Variants in SLC25A1 observed in about 807,000 individuals in gnomAD.
SLC25A1 encodes tricarboxylate transport protein, mitochondrial.
In SLC25A1, 26 loss-of-function variants were observed where a neutral mutation model predicts 38.1. The observed-to-expected ratio is 0.68, with a 90% CI of 0.50 to 0.95. The LOEUF is 0.95. Ranked by LOEUF, SLC25A1 falls within the 40% of genes least tolerant of loss-of-function variation. SLC25A1 has a pLI of 0.00. For missense variants in SLC25A1, 378 were observed against 426.6 expected (o/e 0.89, Z 1.00); for synonymous variants, 211 against 183.2 (o/e 1.15, Z -1.23).
chr22:19,176,922 T>C lies in SLC25A1; in HGVS notation c.555A>G (p.Thr185=). ...TCGAGCCCTGCTTCAGGACAGTGGC[T>C]GTGAGGCCCTGGTACGTCCCCTTCA... is the stretch of plus-strand genomic sequence containing the variant. ...QGLKGTYQGL[T]ATVLKQGSNQ... Residue 185 remains threonine, a synonymous_variant, in exon 6 of 9, where the codon ACA becomes ACG. Transcript: ENST00000215882. The C allele has an allele frequency of 6.2e-7, 1 of 1,613,626 alleles. No homozygotes were observed. Among genetic ancestry groups the C allele is most frequent in the Non-Finnish European group, 8.5e-7 (1 of 1,179,978 alleles).
In SLC25A1 at chr22:19,177,536, G is replaced by A. The variant is rs115993905; in HGVS notation, c.441+191C>T. 6.4e-3 allele frequency among the ~76,000 whole-genome samples: 971 copies of A among 152,362 alleles called. 15 individuals carry two copies. Among genetic ancestry groups the A allele is most frequent in the African/African-American group, 0.022 (914 of 41,590 alleles). On this transcript the variant is annotated intron_variant, in intron 4 of 8. Transcript: ENST00000215882. ...AGACTTTAAGGCTGCCTTTAGCATA[G>A]ACTCAGCCTCCACGGGTGGCCCTTC...
intron 4 of SLC25A1, 65 bp downstream of exon 4, chr22:19,177,662 G>T: frequency 6.3e-7 from 1 of 1,591,176 alleles, no homozygotes. Context: ...GGAGCACCGG[G>T]CCAGCGGGGC....
chr22:19,176,827 C>T lies in SLC25A1; in HGVS notation c.631+19G>A, dbSNP rs1482943728. ...GAGCTGGCCATGTGCAGAGATGGGG[C>T]CCTGTGATGCAGACACACCTCGGTA... is the stretch of plus-strand genomic sequence containing the variant. On this transcript the variant is annotated intron_variant, in intron 6 of 8. Coordinates refer to ENST00000215882, the MANE Select transcript of SLC25A1 (RefSeq NM_005984.5). 10 of 1,612,184 alleles carry T rather than the reference C, an allele frequency of 6.2e-6. No homozygotes were observed. The highest frequency in any genetic ancestry group is 8.5e-6 in the Non-Finnish European group (10 of 1,178,692).
At chr22:19,176,370 G>C in intron 8 of SLC25A1, 51 bp downstream of exon 8, 1 of 1,594,922 alleles carries the variant, frequency 6.3e-7, no homozygotes, top group Non-Finnish European at 8.6e-7. Flanking sequence ...GGCCAGGTAG[G>C]CCGGGAAAGG....
Position 19,178,265 on chromosome 22 carries a change from T to C in SLC25A1, c.95-25A>G. The C allele has an allele frequency of 6.5e-7, 1 of 1,542,682 alleles. No homozygotes were observed. The highest frequency in any genetic ancestry group is 8.7e-7 in the Non-Finnish European group (1 of 1,143,722). ...CCTGCAGGGACCGGGAACCCGCTCC[T>C]GAGACTCCCGCCCGGCCGCTGGCGC... On this transcript the variant is annotated intron_variant, in intron 1 of 8. Transcript: ENST00000215882. This position sits in a 1 kb window ranked among gnomAD's most constrained non-coding sequence, Gnocchi z 4.9.
In SLC25A1 at chr22:19,178,004, G is replaced by A; in HGVS notation, c.240C>T (p.Val80=). 7 of 1,602,888 alleles carry A rather than the reference G, an allele frequency of 4.4e-6. No individual in the cohort carries two copies. The highest frequency in any genetic ancestry group is 5.9e-6 in the Non-Finnish European group (7 of 1,176,676). The part of the protein sequence containing the change: ...CVRQTVRSHG[V]LGLYRGLSSL... The stretch of plus-strand genomic sequence containing the variant: ...AGCTAAGGCCGCGGTACAGGCCCAG[G>A]ACGCCATGGCTGCGAACCGTCTGCC... The change falls in exon 3 of 9, where the codon GTC becomes GTT. Residue 80 remains valine, a synonymous_variant. Coordinates refer to ENST00000215882, the MANE Select transcript of SLC25A1 (RefSeq NM_005984.5). This position sits in a 1 kb window ranked among gnomAD's most constrained non-coding sequence, Gnocchi z 4.9.
chr22:19,177,646 GC>G lies in SLC25A1; in HGVS notation c.441+80del. On this transcript the variant is annotated intron_variant, in intron 4 of 8. Coordinates refer to ENST00000215882, the MANE Select transcript of SLC25A1 (RefSeq NM_005984.5). ...GGAGACCCTCCCCAGCTTGCCGGTT[GC>G]CCCGGGAGCACCGGGCCAGCGGGGC... 1.8e-5 allele frequency: 29 copies of G among 1,573,198 alleles called. No individual in the cohort carries two copies. In the South Asian group the frequency reaches 3.0e-4, roughly 16 times the overall value.
Position 19,178,538 on chromosome 22 carries a change from G to A in SLC25A1, c.94+42C>T, listed in dbSNP as rs370589409. The A allele has an allele frequency of 6.5e-5, 83 of 1,269,372 alleles. 1 individual carries two copies. The East Asian group carries it at 1.6e-3, about 25-fold the overall frequency. The allele number at this position is 1,269,372 out of a possible 1,614,324, so 78.6% of individuals were successfully genotyped here. A position where few individuals can be genotyped will look rare whatever the true frequency, so the allele number is the denominator to read the frequency against. On this transcript the variant is annotated intron_variant, in intron 1 of 8. Coordinates refer to ENST00000215882, the MANE Select transcript of SLC25A1 (RefSeq NM_005984.5). This position sits in a 1 kb window ranked among gnomAD's most constrained non-coding sequence, Gnocchi z 4.9. ...GGCCTCAGCGTCCCGGGCCCACCCA[G>A]AAGCGCGGCGGGAGAGGGGTCCGCG...
rs372847888 is a variant in SLC25A1, at chr22:19,176,094, G to C, written c.*36C>G. ...GACAAAGGTAGCAGGACACTCTGGCGGTGCCTGGGGCGGTCCCCTTGCGGC... is the reference window on the plus strand; with the variant it reads ...GACAAAGGTAGCAGGACACTCTGGCCGTGCCTGGGGCGGTCCCCTTGCGGC... On this transcript the variant is annotated 3_prime_UTR_variant, in exon 9 of 9. Transcript: ENST00000215882. 1.3e-6 allele frequency: 2 copies of C among 1,540,028 alleles called. No homozygotes were observed. Among genetic ancestry groups the C allele is most frequent in the South Asian group, 2.2e-5 (2 of 89,542 alleles).
Position 19,178,498 on chromosome 22 carries a change from C to G in SLC25A1, c.94+82G>C. ...ACGACTCCCCAGCCCACGGCCCAAC[C>G]CGGAAGTGGGGCGGGGCCTCAGCGT... On this transcript the variant is annotated intron_variant, in intron 1 of 8. Transcript: ENST00000215882. This position sits in a 1 kb window ranked among gnomAD's most constrained non-coding sequence, Gnocchi z 4.9. 2.3e-6 allele frequency: 3 copies of G among 1,323,734 alleles called. No individual in the cohort carries two copies. The highest frequency in any genetic ancestry group is 2.9e-6 in the Non-Finnish European group (3 of 1,041,308). 82.0% of individuals were successfully genotyped at this position (1,323,734 alleles called of 1,614,324 possible). A position where few individuals can be genotyped will look rare whatever the true frequency, so the allele number is the denominator to read the frequency against.
At position 19,176,484 on chromosome 22, in the gene SLC25A1, G is replaced by A. The variant is rs542670248; in HGVS notation, c.758C>T (p.Ala253Val). The A allele has an allele frequency of 1.8e-5, 29 of 1,613,816 alleles. No homozygotes were observed. The highest frequency in any genetic ancestry group is 2.2e-5 in the East Asian group (1 of 44,872). Residue 253 changes from alanine (A) to valine (V), a missense_variant, in exon 8 of 9, where the codon GCG becomes GTG. Transcript: ENST00000215882. ...GTCCCACGTGTTCCGGTATTTGTGC[G>A]CCTCCAGGCCCTATGGGGGACATCA... ...VIKTRMQGLE[A>V]HKYRNTWDCG...
Position 19,177,284 on chromosome 22 carries a change from C to G in SLC25A1, c.442-80G>C. On this transcript the variant is annotated intron_variant, in intron 4 of 8. Coordinates refer to ENST00000215882, the MANE Select transcript of SLC25A1 (RefSeq NM_005984.5). Reference sequence around the variant, plus strand: ...GCTAGCTGGCAGGCCCAGGGCCCATCCAGGGTGGAGGGAACTGGGAACTCT... The same window carrying G: ...GCTAGCTGGCAGGCCCAGGGCCCATGCAGGGTGGAGGGAACTGGGAACTCT... The G allele has an allele frequency of 3.3e-6, 4 of 1,209,374 alleles. No individual in the cohort carries two copies. In the South Asian group the frequency reaches 3.8e-5, roughly 11 times the overall value. The allele number at this position is 1,209,374 out of a possible 1,614,324, so 74.9% of individuals were successfully genotyped here.
rs1569130702 is a variant in SLC25A1 at position 19,177,880 on chromosome 22, C to A, written c.303-15G>T. 5 of 1,594,710 alleles carry A rather than the reference C, an allele frequency of 3.1e-6. No individual in the cohort carries two copies. Among genetic ancestry groups the A allele is most frequent in the East Asian group, 4.5e-5 (2 of 44,154 alleles). ...ACATTCCAAACCTGGAGGCGGGAGG[C>A]GGGTGAGAGGGGCTGCCGCGGCCGA... On this transcript the variant is annotated splice_polypyrimidine_tract_variant and intron_variant, in intron 3 of 8. Transcript: ENST00000215882.
In SLC25A1 at chr22:19,178,499, C is replaced by T; in HGVS notation, c.94+81G>A. 1 of 1,323,446 alleles carries T rather than the reference C, an allele frequency of 7.6e-7. No individual in the cohort carries two copies. The highest frequency in any genetic ancestry group is 9.6e-7 in the Non-Finnish European group (1 of 1,041,106). The allele number at this position is 1,323,446 out of a possible 1,614,324, so 82.0% of individuals were successfully genotyped here. A position where few individuals can be genotyped will look rare whatever the true frequency, so the allele number is the denominator to read the frequency against. Reference sequence around the variant, plus strand: ...CGACTCCCCAGCCCACGGCCCAACCCGGAAGTGGGGCGGGGCCTCAGCGTC... The same window carrying T: ...CGACTCCCCAGCCCACGGCCCAACCTGGAAGTGGGGCGGGGCCTCAGCGTC... On this transcript the variant is annotated intron_variant, in intron 1 of 8. Coordinates refer to ENST00000215882, the MANE Select transcript of SLC25A1 (RefSeq NM_005984.5). This position sits in a 1 kb window ranked among gnomAD's most constrained non-coding sequence, Gnocchi z 4.9.
At chr22:19,177,673 C>A (rs1458666852) in intron 4 of SLC25A1, 54 bp downstream of exon 4, 17 of 1,596,050 alleles carry the variant, frequency 1.1e-5, no homozygotes, top group Non-Finnish European at 1.4e-5. Context: ...CCAGCGGGGC[C>A]GCCCGTCTCC....
chr22:19,178,432 C>T lies in SLC25A1; in HGVS notation c.94+148G>A. ...CAGGGGGTGACAGACGGGAGGCGGGCGAGTCCCAGCGCGCCGGGTGGGGAC... is the reference window on the plus strand; with the variant it reads ...CAGGGGGTGACAGACGGGAGGCGGGTGAGTCCCAGCGCGCCGGGTGGGGAC... On this transcript the variant is annotated intron_variant, in intron 1 of 8. Transcript: ENST00000215882. The surrounding 1 kb of genome is among the most constrained non-coding windows in gnomAD (Gnocchi z 4.9). The T allele has an allele frequency of 7.3e-7, 1 of 1,369,304 alleles. No individual in the cohort carries two copies. The highest frequency in any genetic ancestry group is 9.4e-7 in the Non-Finnish European group (1 of 1,067,708). The allele number at this position is 1,369,304 out of a possible 1,614,324, so 84.8% of individuals were successfully genotyped here.
chr22:19,177,766 G>A lies in SLC25A1; in HGVS notation c.402C>T (p.Ala134=), dbSNP rs1555922932. ...TGGGGCACACGACCACCACGGCCTC[G>A]GCCACGCCAGCGCCCAGGCCGCACA... ...GLLCGLGAGV[A]EAVVVVCPME... Residue 134 remains alanine, a synonymous_variant, in exon 4 of 9, where the codon GCC becomes GCT. Transcript: ENST00000215882. The A allele has an allele frequency of 1.9e-6, 3 of 1,609,742 alleles. No homozygotes were observed. Among genetic ancestry groups the A allele is most frequent in the Non-Finnish European group, 1.7e-6 (2 of 1,179,566 alleles).
rs1555922658 is a variant in SLC25A1, at chr22:19,177,206, TGAGA to T, written c.442-6_442-3del. The T allele has an allele frequency of 1.2e-6, 2 of 1,613,398 alleles. No individual in the cohort carries two copies. Among genetic ancestry groups the T allele is most frequent in the East Asian group, 4.5e-5 (2 of 44,846 alleles). ...GGTCTGGTCGTGGATGAACTTCACC[TGAGA>T]GAGAGAAGCAAAGGCGCAGGTTCTC... is the stretch of plus-strand genomic sequence containing the variant. On this transcript the variant is annotated splice_polypyrimidine_tract_variant and splice_region_variant and intron_variant, in intron 4 of 8. Coordinates refer to ENST00000215882, the MANE Select transcript of SLC25A1 (RefSeq NM_005984.5).
In SLC25A1 at chr22:19,176,997, G is replaced by T. The variant is rs782529007; in HGVS notation, c.527-47C>A. ...GTTACCCTGCAGCCTCTCAGGCCCC[G>T]GTTGGGAATTGGTGTGTGTGGGGGG... On this transcript the variant is annotated intron_variant, in intron 5 of 8. Transcript: ENST00000215882. The T allele has an allele frequency of 6.9e-6, 11 of 1,604,776 alleles. No homozygotes were observed. The South Asian group carries it at 1.2e-4, about 18-fold the overall frequency.
Sources: gnomAD v4.1 joint callset for allele counts (sites outside exome capture counted in the v4.1 genomes callset) on GRCh38, gnomAD v4.1.1 for gene constraint, Gnocchi (gnomAD v3.1) non-coding constraint, MANE v1.5 for transcripts, NCBI Gene and HGNC (gene_info 2026-07-23, HGNC 2026-07-21) for gene names.